Variants in IRF2 observed in about 807,000 individuals in gnomAD.
The protein encoded by IRF2 is interferon regulatory factor 2.
IRF2 carries 15 observed loss-of-function variants against 40.6 expected under a neutral mutation model. That is an observed-to-expected ratio of 0.37 (90% CI 0.25 to 0.57). The LOEUF is 0.57. Among genes scored for constraint, IRF2 ranks in the 20% least tolerant of loss-of-function variants. IRF2 has a pLI of 0.77. For missense variants in IRF2, 317 were observed against 455.7 expected, an observed-to-expected ratio of 0.70 and a Z score of 2.77; for synonymous variants, 151 against 165.5, an observed-to-expected ratio of 0.91 and a Z score of 0.67.
intron 1 of IRF2, among the ~76,000 whole-genome samples, chr4:184,444,066 G>GCAT (rs1159870202): frequency 2.0e-5 from 3 of 152,156 alleles, no homozygotes; most frequent in Non-Finnish European, 2.9e-5. Context: ...CATGACTCCA[G>GCAT]GACAGCACAG....
intron 3 of IRF2, among the ~76,000 whole-genome samples, chr4:184,418,957 C>T (rs941775524): frequency 6.6e-6 from 1 of 152,284 alleles, no homozygotes; most frequent in Admixed American, 6.5e-5. Context: ...TTCTACTGAA[C>T]AGCTTGAGGA....
At chr4:184,473,785 G>A (rs1348820553) in intron 1 of IRF2, among the ~76,000 whole-genome samples, 2 of 151,866 alleles carry the variant, frequency 1.3e-5, no homozygotes, top group Non-Finnish European at 2.9e-5. Flanking sequence ...TCCCGGCCGG[G>A]GAGCGGTGCC....
intron 1 of IRF2, among the ~76,000 whole-genome samples, chr4:184,437,437 G>A (rs1245546961): frequency 2.6e-5 from 4 of 152,200 alleles, no homozygotes; most frequent in African/African-American, 9.6e-5. Context: ...GGCCTCAAGT[G>A]ATCCTCCTAC....
At chr4:184,407,281 A>G (rs761448892) in intron 6 of IRF2, 1 of 1,254,468 alleles carries the variant, frequency 8.0e-7, no homozygotes, top group South Asian at 1.3e-5. Flanking sequence ...CAAAAATTCA[A>G]TGCTGAAAGA....
chr4:184,430,807 C>T (rs930085053), intron 1 of IRF2, among the ~76,000 whole-genome samples: 1 of 152,140 alleles, frequency 6.6e-6, no homozygotes, highest in African/African-American at 2.4e-5. Flanking sequence ...GCGATTTTCC[C>T]ACCTCAGCCT....
Position 184,398,898 on chromosome 4 carries a change from C to G in IRF2, c.694+17G>C, listed in dbSNP as rs1467234413. On this transcript the variant is annotated intron_variant, in intron 7 of 8. Transcript: ENST00000393593. ...GGCCGGTTCCCACGCCTCCCGGAGC[C>G]TCCCGCTGACGCTTACCTGCATAGG... The G allele has an allele frequency of 7.0e-6, 11 of 1,572,990 alleles. No individual in the cohort carries two copies. Among genetic ancestry groups the G allele is most frequent in the Non-Finnish European group, 9.5e-6 (11 of 1,162,260 alleles).
In IRF2 at chr4:184,455,005, C is replaced by T. The variant is rs572192300; in HGVS notation, c.-7+19374G>A. On this transcript the variant is annotated intron_variant, in intron 1 of 8. Coordinates refer to ENST00000393593, the MANE Select transcript of IRF2 (RefSeq NM_002199.4). Reference sequence around the variant, plus strand: ...AAGGAGCAAGACGATGTCCAGGGTCCACCTTCTGTAATAGAAGCATATTCT... The same window carrying T: ...AAGGAGCAAGACGATGTCCAGGGTCTACCTTCTGTAATAGAAGCATATTCT... 2.0e-5 allele frequency among the ~76,000 whole-genome samples: 3 copies of T among 152,250 alleles called. No homozygotes were observed. In the East Asian group the frequency reaches 5.8e-4, roughly 29 times the overall value.
intron 1 of IRF2, among the ~76,000 whole-genome samples, chr4:184,454,817 C>A (rs1255268099): frequency 6.6e-6 from 1 of 152,214 alleles, no homozygotes; most frequent in Non-Finnish European, 1.5e-5. Flanking sequence ...TTAATAGCAA[C>A]TTAGCAGAGC....
chr4:184,388,915 G>A lies in IRF2; in HGVS notation c.893C>T (p.Pro298Leu), dbSNP rs761561042. ...GGGCCAGGAGCTGTTGTAAGGCACCGGATTGCTCTCCTCTTTGATGGTGAC... is the reference window on the plus strand; with the variant it reads ...GGGCCAGGAGCTGTTGTAAGGCACCAGATTGCTCTCCTCTTTGATGGTGAC... ...LQVTIKEESN[P>L]VPYNSSWPPF... Residue 298 changes from proline to leucine, a missense_variant, in exon 9 of 9, where the codon CCG becomes CTG. Coordinates refer to ENST00000393593, the MANE Select transcript of IRF2 (RefSeq NM_002199.4). This position sits in a 1 kb window ranked among gnomAD's most constrained non-coding sequence, Gnocchi z 4.6. 8.7e-6 allele frequency: 14 copies of A among 1,614,124 alleles called. No homozygotes were observed. Among genetic ancestry groups the A allele is most frequent in the Middle Eastern group, 1.6e-4 (1 of 6,062 alleles).
chr4:184,411,909 G>T (rs984468580), intron 5 of IRF2, among the ~76,000 whole-genome samples: 3 of 147,076 alleles, frequency 2.0e-5, no homozygotes, highest in Non-Finnish European at 4.4e-5. Flanking sequence ...CATCCCCTCT[G>T]TCTGCTCCCT....
intron 1 of IRF2, among the ~76,000 whole-genome samples, chr4:184,466,890 T>G (rs1241621436): frequency 6.6e-6 from 1 of 152,196 alleles, no homozygotes; most frequent in Non-Finnish European, 1.5e-5. Context: ...TAGGCCACTG[T>G]AGCACAATGG....
chr4:184,445,137 C>T (rs918305498), intron 1 of IRF2, among the ~76,000 whole-genome samples: 13 of 152,190 alleles, frequency 8.5e-5, no homozygotes, highest in Non-Finnish European at 1.9e-4. Context: ...GAGCATGCGC[C>T]GGGCTGACAA....
intron 1 of IRF2, among the ~76,000 whole-genome samples, chr4:184,433,013 G>A (rs1483471933): frequency 6.6e-6 from 1 of 152,202 alleles, no homozygotes; most frequent in Non-Finnish European, 1.5e-5. Context: ...GAGGCAAGGT[G>A]GCCCCTGTGG....
intron 1 of IRF2, among the ~76,000 whole-genome samples, chr4:184,470,710 GA>G (rs78540430): frequency 3.7e-5 from 5 of 134,514 alleles, no homozygotes; most frequent in Non-Finnish European, 6.5e-5. Flanking sequence ...AAAAAGAAAA[GA>G]AAAAAAAGGT....
At chr4:184,421,909 C>T (rs1036661518) in intron 2 of IRF2, among the ~76,000 whole-genome samples, 1 of 152,100 alleles carries the variant, frequency 6.6e-6, no homozygotes, top group Non-Finnish European at 1.5e-5. Flanking sequence ...AAAATTTGAT[C>T]GCTAGTGTTG....
chr4:184,473,572 C>T (rs2149922652), intron 1 of IRF2, among the ~76,000 whole-genome samples: 3 of 147,692 alleles, frequency 2.0e-5, no homozygotes, highest in African/African-American at 7.3e-5. Flanking sequence ...CCCTTCTGAG[C>T]GGCGGCGGCG....
chr4:184,399,962 G>T (rs12512614), intron 6 of IRF2, among the ~76,000 whole-genome samples: 36,232 of 152,146 alleles, frequency 0.24, 4,410 homozygotes, highest in East Asian at 0.26. Context: ...AATGGTTATA[G>T]GCTACAAAGC....
intron 7 of IRF2, among the ~76,000 whole-genome samples, chr4:184,395,274 T>G (rs563698856): frequency 1.8e-4 from 28 of 151,746 alleles, no homozygotes; most frequent in East Asian, 5.8e-4. Flanking sequence ...TTAGCCGGGC[T>G]TGGTTGTGGG....
At chr4:184,434,546 TG>T (rs1409740934) in intron 1 of IRF2, among the ~76,000 whole-genome samples, 1 of 152,256 alleles carries the variant, frequency 6.6e-6, no homozygotes, top group African/African-American at 2.4e-5. Context: ...GCATCTACCC[TG>T]GAGCCTGACG....
Sources: gnomAD v4.1 joint callset for allele counts (sites outside exome capture counted in the v4.1 genomes callset) on GRCh38, gnomAD v4.1.1 for gene constraint, Gnocchi (gnomAD v3.1) non-coding constraint, MANE v1.5 for transcripts, NCBI Gene and HGNC (gene_info 2026-07-23, HGNC 2026-07-21) for gene names.